Variants in XIRP2 observed in about 807,000 individuals in gnomAD.
The protein encoded by XIRP2 is xin actin binding repeat containing 2, also known as xin actin-binding repeat-containing protein 2.
A neutral mutation model predicts 277.0 loss-of-function variants in XIRP2; 236 were observed. The observed-to-expected ratio is 0.85, with a 90% CI of 0.77 to 0.95. XIRP2 has a LOEUF of 0.95. Among genes scored for constraint, XIRP2 ranks in the 40% least tolerant of loss-of-function variants. The pLI, the probability that XIRP2 is intolerant of heterozygous loss-of-function variation, is 0.00. For synonymous variants in XIRP2, 1,490 were observed against 1,416.5 expected, an observed-to-expected ratio of 1.05 and a Z score of -1.17; for missense variants, 4,640 against 4,157.5, an observed-to-expected ratio of 1.12 and a Z score of -3.19.
At position 166,925,114 on chromosome 2, in the gene XIRP2, C is replaced by T. The variant is rs184558247; in HGVS notation, c.408+21224C>T. Among the ~76,000 whole-genome samples, 534 of 152,074 alleles carry T rather than the reference C, an allele frequency of 3.5e-3. 1 individual carries two copies. Among genetic ancestry groups the T allele is most frequent in the Non-Finnish European group, 6.0e-3 (406 of 67,934 alleles). On this transcript the variant is annotated intron_variant, in intron 2 of 10. Coordinates refer to ENST00000409195, the MANE Select transcript of XIRP2 (RefSeq NM_152381.6). ...TGCATTCACAAATAATAGGTAGTAG[C>T]TATATTTATCAAAAGTCATGTCAAC...
intron 2 of XIRP2, among the ~76,000 whole-genome samples, chr2:166,913,014 A>T (rs1164564933): frequency 6.6e-6 from 1 of 152,152 alleles, no homozygotes; most frequent in African/African-American, 2.4e-5. Flanking sequence ...ATCTGCCCCT[A>T]CTGGAGGATG....
intron 1 of XIRP2, among the ~76,000 whole-genome samples, chr2:166,894,937 G>A (rs192109175): frequency 1.1e-4 from 17 of 152,260 alleles, no homozygotes; most frequent in African/African-American, 3.6e-4. Context: ...CAGTCATGCC[G>A]TATGCTGAGA....
At chr2:167,196,505 T>G (rs1693520299) in intron 3 of XIRP2, among the ~76,000 whole-genome samples, 1 of 151,734 alleles carries the variant, frequency 6.6e-6, no homozygotes, top group Non-Finnish European at 1.5e-5. Context: ...TTACCAAATC[T>G]ATGCTCAGGT....
chr2:167,245,745 A>G lies in XIRP2; in HGVS notation c.4353A>G (p.Thr1451=), dbSNP rs771461637. 88 of 1,613,662 alleles carry G rather than the reference A, an allele frequency of 5.5e-5. No homozygotes were observed. Among genetic ancestry groups the G allele is most frequent in the Non-Finnish European group, 7.0e-5 (83 of 1,179,802 alleles). ...VNEIQKGNVK[T]STWLFETHTM... ...AAATACAAAAGGGCAATGTTAAAAC[A>G]TCTACTTGGCTATTTGAAACCCACA... The change falls in exon 9 of 11, where the codon ACA becomes ACG. Residue 1451 remains threonine, a synonymous_variant. Coordinates refer to ENST00000409195, the MANE Select transcript of XIRP2 (RefSeq NM_152381.6).
chr2:167,152,586 T>C lies in XIRP2; in HGVS notation c.562+16524T>C, dbSNP rs149427798. ...TGGGATAGGTAGAAAGAAAAAAATA[T>C]TTACTATCTCTTATTTCCTCAAGAC... is the stretch of plus-strand genomic sequence containing the variant. On this transcript the variant is annotated intron_variant, in intron 3 of 10. Transcript: ENST00000409195. Among the ~76,000 whole-genome samples the C allele has an allele frequency of 8.8e-3, 1,332 of 152,206 alleles. 20 individuals carry two copies. Among genetic ancestry groups the C allele is most frequent in the African/African-American group, 0.031 (1,274 of 41,528 alleles).
rs77160941 is a variant in XIRP2, at chr2:167,239,758, A to ATT, written c.859-90_859-89dup. ...GAAAACTAATATACTAAAGAATCTCATTTTTTTTCAGAAATTGTCACTGAA... is the reference window on the plus strand; with the variant it reads ...GAAAACTAATATACTAAAGAATCTCATTTTTTTTTTCAGAAATTGTCACTGAA... On this transcript the variant is annotated intron_variant, in intron 5 of 10. Coordinates refer to ENST00000409195, the MANE Select transcript of XIRP2 (RefSeq NM_152381.6). 1.2e-3 allele frequency: 1,245 copies of ATT among 1,032,550 alleles called. 8 individuals carry two copies. The African/African-American group carries it at 0.016, about 13-fold the overall frequency. 64.0% of individuals were successfully genotyped at this position (1,032,550 alleles called of 1,614,324 possible).
chr2:166,904,695 A>T (rs1423082515), intron 2 of XIRP2, among the ~76,000 whole-genome samples: 1 of 152,132 alleles, frequency 6.6e-6, no homozygotes, highest in Non-Finnish European at 1.5e-5. Flanking sequence ...TACATAATAG[A>T]AATTATAGTT....
At chr2:167,047,368 C>T (rs146172506) in intron 2 of XIRP2, among the ~76,000 whole-genome samples, 2,164 of 151,484 alleles carry the variant, frequency 0.014, 21 homozygotes, top group Middle Eastern at 0.031. Flanking sequence ...AGTAGCTTCA[C>T]CGAGATAACA....
intron 2 of XIRP2, among the ~76,000 whole-genome samples, chr2:166,937,258 C>T (rs903325953): frequency 3.3e-5 from 5 of 152,114 alleles, no homozygotes; most frequent in South Asian, 2.1e-4. Flanking sequence ...TTTTGAGATA[C>T]GTCCATCAAC....
chr2:167,109,925 T>C (rs1389223746), intron 2 of XIRP2, among the ~76,000 whole-genome samples: 1 of 152,196 alleles, frequency 6.6e-6, no homozygotes, highest in African/African-American at 2.4e-5. Flanking sequence ...TAATGATTAG[T>C]GATGTTGAGC....
At chr2:167,072,785 C>T (rs1689467644) in intron 2 of XIRP2, among the ~76,000 whole-genome samples, 2 of 152,054 alleles carry the variant, frequency 1.3e-5, no homozygotes. Flanking sequence ...TTAGATTTTG[C>T]TAACATACAA....
intron 3 of XIRP2, chr2:167,184,443 T>G: frequency 1.5e-6 from 1 of 647,840 alleles, no homozygotes; most frequent in Non-Finnish European, 2.8e-6. Flanking sequence ...GGAAACATCT[T>G]AGACAGAAAA....
At chr2:167,236,292 G>T (rs1391600813) in intron 5 of XIRP2, among the ~76,000 whole-genome samples, 1 of 151,702 alleles carries the variant, frequency 6.6e-6, no homozygotes, top group Non-Finnish European at 1.5e-5. Flanking sequence ...CATTGCACTA[G>T]AATGAGTTTG....
intron 2 of XIRP2, among the ~76,000 whole-genome samples, chr2:167,024,393 C>A (rs1688088849): frequency 1.3e-5 from 2 of 152,124 alleles, no homozygotes; most frequent in Admixed American, 1.3e-4. Context: ...ATCATGTCAT[C>A]TGCAAACAGG....
At chr2:166,946,674 T>C (rs1685875122) in intron 2 of XIRP2, among the ~76,000 whole-genome samples, 1 of 152,054 alleles carries the variant, frequency 6.6e-6, no homozygotes, top group African/African-American at 2.4e-5. Flanking sequence ...AGATAGGATT[T>C]CCTCAGAAGG....
chr2:167,056,166 G>A (rs1689031385), intron 2 of XIRP2, among the ~76,000 whole-genome samples: 1 of 152,126 alleles, frequency 6.6e-6, no homozygotes, highest in South Asian at 2.1e-4. Flanking sequence ...TGACAGCTAA[G>A]ATGGCATTTA....
intron 2 of XIRP2, among the ~76,000 whole-genome samples, chr2:167,116,171 A>AT (rs1337846400): frequency 6.6e-6 from 1 of 152,036 alleles, no homozygotes. Context: ...GGTACTGATG[A>AT]TTTTTTCTAT....
chr2:167,153,136 C>T (rs1451312316), intron 3 of XIRP2, among the ~76,000 whole-genome samples: 2 of 151,952 alleles, frequency 1.3e-5, no homozygotes, highest in Non-Finnish European at 2.9e-5. Flanking sequence ...ATTAATTTTA[C>T]CACAACCAAG....
rs894661734 is a variant in XIRP2, at chr2:167,247,155, C to T, written c.5763C>T (p.Asp1921=). The change falls in exon 9 of 11, where the codon GAC becomes GAT. Residue 1921 remains aspartate, a synonymous_variant. Coordinates refer to ENST00000409195, the MANE Select transcript of XIRP2 (RefSeq NM_152381.6). ...TGAAAAAGGAGCTTCTCAAAGATGA[C>T]CTGGAAACATCACTAAGGTCTTTGA... The part of the protein sequence containing the change: ...EILKKELLKD[D]LETSLRSLKE... 1.1e-5 allele frequency: 17 copies of T among 1,613,364 alleles called. No individual in the cohort carries two copies. The highest frequency in any genetic ancestry group is 1.3e-5 in the African/African-American group (1 of 74,792).
Sources: allele counts gnomAD v4.1 joint callset (sites outside exome capture counted in the v4.1 genomes callset), GRCh38; gene constraint gnomAD v4.1.1; transcripts MANE v1.5; gene names NCBI Gene and HGNC (gene_info 2026-07-23, HGNC 2026-07-21).